CLASP1: variants seen among roughly 807,000 people sequenced by gnomAD.
CLASP1 encodes CLIP-associating protein 1.
A neutral mutation model predicts 192.3 loss-of-function variants in CLASP1; 38 were observed. The ratio of observed to expected loss-of-function variants is 0.20; its 90% CI spans 0.15 to 0.26. The LOEUF is 0.26. Among genes scored for constraint, CLASP1 ranks in the 10% least tolerant of loss-of-function variants. The probability of loss-of-function intolerance (pLI) is 1.00; values close to 1 mark genes in which losing one functional copy is unlikely to be tolerated. For synonymous variants in CLASP1, 691 were observed against 712.8 expected, an observed-to-expected ratio of 0.97 and a Z score of 0.49; for missense variants, 1,433 against 1,932.5, an observed-to-expected ratio of 0.74 and a Z score of 4.85.
At chr2:121,575,892 G>A (rs1028601352) in intron 2 of CLASP1, among the ~76,000 whole-genome samples, 10 of 152,208 alleles carry the variant, frequency 6.6e-5, no homozygotes, top group African/African-American at 2.4e-4. Flanking sequence ...AGGAGACACA[G>A]TTAAATGTGT....
At chr2:121,404,517 A>C (rs2076627933) in intron 25 of CLASP1, 83 bp from the exon 27 acceptor site, 1 of 1,242,202 alleles carries the variant, frequency 8.1e-7, no homozygotes, top group African/African-American at 1.5e-5. Flanking sequence ...CCCAGGCTAG[A>C]GTGCAGTGGT....
chr2:121,519,552 A>G (rs1249799164), intron 6 of CLASP1, among the ~76,000 whole-genome samples: 1 of 152,260 alleles, frequency 6.6e-6, no homozygotes, highest in African/African-American at 2.4e-5. Flanking sequence ...ATGTAAAATT[A>G]AAACATTCTG....
At chr2:121,601,943 GACGGGTGGATC>G (rs1227107884) in intron 2 of CLASP1, among the ~76,000 whole-genome samples, 1 of 152,130 alleles carries the variant, frequency 6.6e-6, no homozygotes, top group Admixed American at 6.6e-5. Flanking sequence ...GGGAGGCCAA[GACGGGTGGATC>G]ACCTGAGGTC....
intron 7 of CLASP1, among the ~76,000 whole-genome samples, chr2:121,504,643 C>T (rs1448922754): frequency 6.6e-6 from 1 of 152,188 alleles, no homozygotes; most frequent in Non-Finnish European, 1.5e-5. Flanking sequence ...GTGCCCAACA[C>T]CGAGCTAGTG....
intron 24 of CLASP1, among the ~76,000 whole-genome samples, chr2:121,408,218 G>C (rs756171885): frequency 6.6e-5 from 10 of 152,144 alleles, no homozygotes; most frequent in Non-Finnish European, 1.3e-4. Context: ...ACAGTCTATG[G>C]GTAAACTTGT....
At chr2:121,582,346 GGA>G (rs752511689) in intron 2 of CLASP1, among the ~76,000 whole-genome samples, 93 of 143,952 alleles carry the variant, frequency 6.5e-4, no homozygotes, top group African/African-American at 3.1e-4. Flanking sequence ...AGAAAGAGGA[GGA>G]GAGAGAGAGA....
rs144158489 is a variant in CLASP1, at chr2:121,517,536, C to G, written c.547-1774G>C. Among the ~76,000 whole-genome samples, 144 of 152,198 alleles carry G rather than the reference C, an allele frequency of 9.5e-4. 3 individuals are homozygous for G. In the East Asian group the frequency reaches 0.024, roughly 25 times the overall value. ...AAATGATGAAGCCCTAACTCTCCAA[C>G]ATATTTCAAGATAGGGCCTATAAGG... On this transcript the variant is annotated intron_variant, in intron 6 of 39. Transcript: ENST00000263710.
At chr2:121,569,240 G>A (rs373499854) in intron 2 of CLASP1, among the ~76,000 whole-genome samples, 4 of 152,184 alleles carry the variant, frequency 2.6e-5, no homozygotes, top group African/African-American at 9.7e-5. Context: ...AGCTAGGGAC[G>A]TCACAGAAGG....
At position 121,401,534 on chromosome 2, in the gene CLASP1, C is replaced by T. The variant is rs781105177; in HGVS notation, c.2875G>A (p.Val959Ile). The T allele has an allele frequency of 2.7e-5, 44 of 1,612,294 alleles. No homozygotes were observed. Among genetic ancestry groups the T allele is most frequent in the Non-Finnish European group, 3.6e-5 (43 of 1,179,406 alleles). ...CTTGTGACATCTAGAGCCTTTTGAA[C>T]TTTTGCTTGCACAGATCCAAGTAAA... is the stretch of plus-strand genomic sequence containing the variant. Residue 959 changes from valine to isoleucine, a missense_variant, in exon 28 of 40, where the codon GTT becomes ATT. Val to Ile is a conservative substitution (Grantham distance 29, BLOSUM62 3). Coordinates refer to ENST00000263710, the Ensembl canonical transcript of CLASP1.
intron 1 of CLASP1, among the ~76,000 whole-genome samples, chr2:121,643,206 CT>C (rs922080515): frequency 9.9e-5 from 15 of 152,254 alleles, no homozygotes; most frequent in African/African-American, 3.4e-4. Context: ...CTTGAATTTA[CT>C]TTTTTTCTAT....
chr2:121,498,051 G>A (rs1295772946), intron 8 of CLASP1, among the ~76,000 whole-genome samples: 3 of 152,124 alleles, frequency 2.0e-5, no homozygotes, highest in Middle Eastern at 3.4e-3. Context: ...GCAGAGACGG[G>A]GTTTCACCGT....
intron 8 of CLASP1, chr2:121,490,194 A>G (rs1293301391): frequency 2.5e-6 from 1 of 401,010 alleles, no homozygotes; most frequent in African/African-American, 2.1e-5. Context: ...TTACCACAGG[A>G]ATTATAAAAT....
intron 8 of CLASP1, among the ~76,000 whole-genome samples, chr2:121,483,052 G>T (rs576817173): frequency 6.6e-6 from 1 of 152,242 alleles, no homozygotes; most frequent in African/African-American, 2.4e-5. Flanking sequence ...AAGAGAGGGA[G>T]GGGAGAGGGG....
At chr2:121,524,249 A>G (rs1236999010) in intron 6 of CLASP1, among the ~76,000 whole-genome samples, 1 of 152,216 alleles carries the variant, frequency 6.6e-6, no homozygotes, top group African/African-American at 2.4e-5. Flanking sequence ...CGAAACCCCC[A>G]GAGTGCGGCC....
intron 6 of CLASP1, among the ~76,000 whole-genome samples, chr2:121,521,756 C>A (rs1447006020): frequency 6.6e-6 from 1 of 152,148 alleles, no homozygotes; most frequent in Non-Finnish European, 1.5e-5. Context: ...AGAGAGGATT[C>A]TCCGCACACT....
chr2:121,464,467 G>T (rs1270358111), intron 9 of CLASP1, among the ~76,000 whole-genome samples: 1 of 152,138 alleles, frequency 6.6e-6, no homozygotes, highest in Non-Finnish European at 1.5e-5. Flanking sequence ...CACCAACAGT[G>T]TAAAAGTGTT....
intron 37 of CLASP1, among the ~76,000 whole-genome samples, chr2:121,351,073 C>G (rs1327588831): frequency 6.6e-6 from 1 of 152,196 alleles, no homozygotes; most frequent in East Asian, 1.9e-4. Flanking sequence ...ACTTGAGGAG[C>G]AGGCCGCACC....
chr2:121,530,188 C>T, intron 3 of CLASP1, 59 bp downstream of exon 3: 1 of 1,451,668 alleles, frequency 6.9e-7, no homozygotes. Flanking sequence ...GCCGGGGAGG[C>T]CGAGGGAAGG....
intron 3 of CLASP1, among the ~76,000 whole-genome samples, chr2:121,529,299 A>C (rs1403124454): frequency 6.6e-6 from 1 of 152,230 alleles, no homozygotes; most frequent in Non-Finnish European, 1.5e-5. Flanking sequence ...CCAGTGGTCC[A>C]AGTGCACCTG....
Sources: gnomAD v4.1 joint callset for allele counts (sites outside exome capture counted in the v4.1 genomes callset) on GRCh38, gnomAD v4.1.1 for gene constraint, MANE v1.5 for transcripts, NCBI Gene and HGNC (gene_info 2026-07-23, HGNC 2026-07-21) for gene names.